The following TTC7A variants were observed in gnomAD, a reference collection of about 807,000 sequenced individuals.
TTC7A encodes tetratricopeptide repeat domain 7A.
A neutral mutation model predicts 103.7 loss-of-function variants in TTC7A; 110 were observed. The observed-to-expected ratio is 1.06, with a 90% CI of 0.91 to 1.24. The LOEUF (loss-of-function observed/expected upper bound fraction) is 1.24, where lower values mean the gene tolerates loss of function less well. Ranked by LOEUF, TTC7A falls within the 50% of genes most tolerant of loss-of-function variation. The pLI, the probability that TTC7A is intolerant of heterozygous loss-of-function variation, is 0.00. For missense variants in TTC7A, 1,340 were observed against 1,116.3 expected, an observed-to-expected ratio of 1.20 and a Z score of -2.86; for synonymous variants, 521 against 467.9, an observed-to-expected ratio of 1.11 and a Z score of -1.47.
intron 2 of TTC7A, among the ~76,000 whole-genome samples, chr2:46,935,600 T>C (rs12712979): frequency 0.1 from 15,191 of 152,076 alleles, 831 homozygotes; most frequent in African/African-American, 0.12. Context: ...AATGTGTACA[T>C]TTACTTTTCT....
intron 3 of TTC7A, among the ~76,000 whole-genome samples, chr2:46,963,247 A>T (rs1247995744): frequency 2.2e-4 from 33 of 152,016 alleles, no homozygotes; most frequent in Admixed American, 2.2e-3. Context: ...ATCTGACTTC[A>T]CTCTCAGCTG....
At chr2:47,072,804 A>G (rs1005079570) in intron 19 of TTC7A, among the ~76,000 whole-genome samples, 1 of 46,246 alleles carries the variant, frequency 2.2e-5, no homozygotes, top group Non-Finnish European at 3.9e-5. Flanking sequence ...CCTGAGGCTG[A>G]AAGGGGGCCC....
intron 8 of TTC7A, among the ~76,000 whole-genome samples, chr2:47,003,928 C>G (rs1480704535): frequency 1.3e-5 from 2 of 152,214 alleles, no homozygotes; most frequent in Non-Finnish European, 2.9e-5. Context: ...GGCTGTATTC[C>G]TAGTTGGCTC....
At chr2:46,944,578 C>G (rs1439812183) in intron 1 of TTC7A, among the ~76,000 whole-genome samples, 1 of 152,082 alleles carries the variant, frequency 6.6e-6, no homozygotes, top group African/African-American at 2.4e-5. Context: ...AAAAATATAG[C>G]TAGGCATGGT....
chr2:46,916,162 A>G (rs1572625233), exon 1 of TTC7A: 3 of 985,480 alleles, frequency 3.0e-6, no homozygotes, highest in Non-Finnish European at 3.6e-6. Context: ...ACCCCCTCCT[A>G]TACAGGGCTC....
intron 16 of TTC7A, among the ~76,000 whole-genome samples, chr2:47,049,626 C>T (rs917848158): frequency 4.6e-5 from 7 of 152,120 alleles, no homozygotes; most frequent in Non-Finnish European, 1.0e-4. Flanking sequence ...CCACTCTCTG[C>T]CTGGCACTCT....
At chr2:47,050,742 G>A (rs1418440322) in intron 17 of TTC7A, 3 of 152,434 alleles carry the variant, frequency 2.0e-5, no homozygotes, top group South Asian at 2.1e-4. Flanking sequence ...ACATCTCAGG[G>A]GTGTATGGCT....
chr2:46,999,902 C>A (rs1210955519), intron 8 of TTC7A: 1 of 985,252 alleles, frequency 1.0e-6, no homozygotes, highest in Non-Finnish European at 1.2e-6. Flanking sequence ...AGGTAAGTCT[C>A]TGGGTCCTGG....
chr2:47,061,600 G>T (rs1438041693), intron 19 of TTC7A, among the ~76,000 whole-genome samples: 1 of 152,174 alleles, frequency 6.6e-6, no homozygotes, highest in East Asian at 1.9e-4. Flanking sequence ...TCAGAGGCTG[G>T]GGAGCAGGAT....
intron 18 of TTC7A, chr2:47,054,097 T>C (rs895522870): frequency 2.0e-6 from 2 of 985,002 alleles, no homozygotes; most frequent in African/African-American, 3.5e-5. Context: ...AGATATTCAC[T>C]CCACAGAAGA....
At chr2:46,922,745 G>C (rs1381879452) in intron 2 of TTC7A, among the ~76,000 whole-genome samples, 1 of 152,008 alleles carries the variant, frequency 6.6e-6, no homozygotes, top group Non-Finnish European at 1.5e-5. Context: ...AGGGGCGGGG[G>C]GCTCTTCCCA....
chr2:46,954,645 C>T (rs773356453), intron 2 of TTC7A, among the ~76,000 whole-genome samples: 1 of 145,970 alleles, frequency 6.9e-6, no homozygotes, highest in East Asian at 2.0e-4. Context: ...GATCTTGGCT[C>T]ACTGCAACCT....
chr2:47,000,603 C>T (rs1328744889), intron 8 of TTC7A, among the ~76,000 whole-genome samples: 1 of 152,118 alleles, frequency 6.6e-6, no homozygotes, highest in Non-Finnish European at 1.5e-5. Flanking sequence ...AGCTCGAGAG[C>T]CAGTGGTAAT....
At chr2:47,011,878 C>T (rs1678095359) in intron 11 of TTC7A, among the ~76,000 whole-genome samples, 1 of 152,216 alleles carries the variant, frequency 6.6e-6, no homozygotes, top group Non-Finnish European at 1.5e-5. Flanking sequence ...TTCTGTCAGC[C>T]CCTCTCCTTC....
At chr2:47,056,887 C>T (rs568122297) in intron 18 of TTC7A, among the ~76,000 whole-genome samples, 55 of 144,814 alleles carry the variant, frequency 3.8e-4, no homozygotes, top group Non-Finnish European at 5.8e-4. Flanking sequence ...GCAGGGGCAC[C>T]GTGTGCCCAA....
At position 47,004,602 on chromosome 2, in the gene TTC7A, G is replaced by C. The variant is rs569748352; in HGVS notation, c.1066-1320G>C. On this transcript the variant is annotated intron_variant, in intron 8 of 19. Coordinates refer to ENST00000319190, the MANE Select transcript of TTC7A (RefSeq NM_020458.4). ...GAAGCAGAGGAGGGCAAGTACTATT[G>C]TACAGAAGGAGGCTCAGACAGAGGG... Among the ~76,000 whole-genome samples, 7 of 152,208 alleles carry C rather than the reference G, an allele frequency of 4.6e-5. No individual in the cohort carries two copies. In the East Asian group the frequency reaches 1.4e-3, roughly 30 times the overall value.
At chr2:46,991,704 A>C (rs918116676) in intron 5 of TTC7A, among the ~76,000 whole-genome samples, 3 of 152,182 alleles carry the variant, frequency 2.0e-5, no homozygotes, top group Admixed American at 2.0e-4. Flanking sequence ...ATGGTGAATG[A>C]GGTATGCAGT....
chr2:47,012,120 G>A (rs1015388973), intron 11 of TTC7A, among the ~76,000 whole-genome samples: 2 of 152,238 alleles, frequency 1.3e-5, no homozygotes, highest in African/African-American at 2.4e-5. Context: ...CCGCCTTGCT[G>A]TAGTCCTCCT....
upstream of TTC7A, among the ~76,000 whole-genome samples, chr2:46,940,153 C>T: frequency 6.6e-6 from 1 of 151,976 alleles, no homozygotes; most frequent in East Asian, 1.9e-4. This position sits in a 1 kb window ranked among gnomAD's most constrained non-coding sequence, Gnocchi z 4.7. Context: ...CTGGGTTCTG[C>T]TTGACATAAA....
Sources: allele counts gnomAD v4.1 joint callset (sites outside exome capture counted in the v4.1 genomes callset), GRCh38; gene constraint gnomAD v4.1.1; non-coding constraint Gnocchi (gnomAD v3.1); transcripts MANE v1.5; gene names NCBI Gene and HGNC (gene_info 2026-07-23, HGNC 2026-07-21).